Variants in TULP4 observed in about 807,000 individuals in gnomAD.
TULP4 encodes TUB like protein 4.
Under a neutral mutation model 129.0 loss-of-function variants are expected in TULP4, and 16 were observed. The ratio of observed to expected loss-of-function variants is 0.12; its 90% CI spans 0.08 to 0.19. The LOEUF is 0.19. Ranked by LOEUF, TULP4 falls within the 10% of genes least tolerant of loss-of-function variation. The pLI, the probability that TULP4 is intolerant of heterozygous loss-of-function variation, is 1.00. For missense variants in TULP4, 1,842 were observed against 2,059.1 expected, an observed-to-expected ratio of 0.89 and a Z score of 2.04; for synonymous variants, 998 against 854.0, an observed-to-expected ratio of 1.17 and a Z score of -2.94.
At chr6:158,416,366 T>C (rs1018809144) in intron 2 of TULP4, among the ~76,000 whole-genome samples, 1 of 152,044 alleles carries the variant, frequency 6.6e-6, no homozygotes, top group Non-Finnish European at 1.5e-5. Flanking sequence ...GGACAAGGTG[T>C]GGAGGCAGAA....
Position 158,508,895 on chromosome 6 carries a change from T to G in TULP4, c.*2201T>G, listed in dbSNP as rs889672833. 12 of 140,674 alleles carry G rather than the reference T, an allele frequency of 8.5e-5. No individual in the cohort carries two copies. Among genetic ancestry groups the G allele is most frequent in the Non-Finnish European group, 1.4e-4 (9 of 64,818 alleles). The allele number at this position is 140,674 out of a possible 1,614,324, so 8.7% of individuals were successfully genotyped here. A position where few individuals can be genotyped will look rare whatever the true frequency, so the allele number is the denominator to read the frequency against. The stretch of plus-strand genomic sequence containing the variant: ...GATAGAAGGTTTTTTTTTTTTTTTT[T>G]TTTTTTTTTTGAGACGGAGTCCCAC... On this transcript the variant is annotated 3_prime_UTR_variant, in exon 14 of 14. Transcript: ENST00000367097.
intron 1 of TULP4, among the ~76,000 whole-genome samples, chr6:158,267,784 A>G (rs1353577017): frequency 6.6e-6 from 1 of 152,122 alleles, no homozygotes; most frequent in Non-Finnish European, 1.5e-5. Flanking sequence ...GTGGGTTGGT[A>G]TAGACATGTT....
At chr6:158,395,438 G>A (rs1370194771) in intron 1 of TULP4, among the ~76,000 whole-genome samples, 1 of 151,940 alleles carries the variant, frequency 6.6e-6, no homozygotes, top group Non-Finnish European at 1.5e-5. Context: ...AAAATTAGCT[G>A]GGCATGGTGG....
chr6:158,501,092 G>A (rs1780434979), intron 12 of TULP4, among the ~76,000 whole-genome samples: 3 of 152,162 alleles, frequency 2.0e-5, no homozygotes, highest in Middle Eastern at 3.4e-3. Flanking sequence ...AAAAAATTAG[G>A]AAATGATCCT....
At chr6:158,317,967 T>G (rs866873623) in intron 1 of TULP4, among the ~76,000 whole-genome samples, 19 of 152,328 alleles carry the variant, frequency 1.2e-4, no homozygotes, top group Middle Eastern at 3.4e-3. Context: ...TTTTGAGAAG[T>G]GTCTGTTCAT....
At chr6:158,315,099 A>G (rs1779458326) in intron 1 of TULP4, among the ~76,000 whole-genome samples, 1 of 152,236 alleles carries the variant, frequency 6.6e-6, no homozygotes, top group South Asian at 2.1e-4. Context: ...AGGCATCTTA[A>G]AAATGTCATT....
chr6:158,331,904 G>T (rs1779903561), intron 1 of TULP4, among the ~76,000 whole-genome samples: 1 of 148,784 alleles, frequency 6.7e-6, no homozygotes, highest in African/African-American at 2.5e-5. Flanking sequence ...GGGCACGGTG[G>T]CTCACGCCTG....
intron 8 of TULP4, among the ~76,000 whole-genome samples, chr6:158,483,520 G>A (rs1779995364): frequency 6.6e-6 from 1 of 152,006 alleles, no homozygotes; most frequent in Admixed American, 6.6e-5. Context: ...GTAGAGACAG[G>A]GTTTTACCAT....
intron 1 of TULP4, among the ~76,000 whole-genome samples, chr6:158,392,894 G>A (rs546219810): frequency 1.6e-5 from 2 of 127,084 alleles, no homozygotes; most frequent in South Asian, 2.6e-4. Flanking sequence ...TCCACCTTCT[G>A]GGTTCAAGCG....
At chr6:158,288,854 C>G (rs978761394) in intron 1 of TULP4, among the ~76,000 whole-genome samples, 1 of 152,154 alleles carries the variant, frequency 6.6e-6, no homozygotes, top group Non-Finnish European at 1.5e-5. Flanking sequence ...ATCTTTTTCC[C>G]TGCTCTTTAC....
chr6:158,498,611 C>G, intron 11 of TULP4, 58 bp from the exon 12 acceptor site: 3 of 1,604,472 alleles, frequency 1.9e-6, no homozygotes, highest in Non-Finnish European at 2.6e-6. Flanking sequence ...ACTCTCTTGA[C>G]ACTTTGGCTC....
At chr6:158,356,290 G>A (rs536298361) in intron 1 of TULP4, among the ~76,000 whole-genome samples, 2 of 152,252 alleles carry the variant, frequency 1.3e-5, no homozygotes, top group East Asian at 1.9e-4. Context: ...CAAGCTTTAA[G>A]GGGAAGGGAG....
chr6:158,387,452 T>C (rs553107100), intron 1 of TULP4, among the ~76,000 whole-genome samples: 55 of 152,340 alleles, frequency 3.6e-4, no homozygotes, highest in Middle Eastern at 6.8e-3. Context: ...AGGAAATCAT[T>C]TTAAAATAAT....
intron 8 of TULP4, among the ~76,000 whole-genome samples, chr6:158,483,652 G>A (rs1779998831): frequency 6.6e-6 from 1 of 152,076 alleles, no homozygotes; most frequent in African/African-American, 2.4e-5. Flanking sequence ...ACTCATTGAG[G>A]CCGCCATATC....
At chr6:158,245,167 T>TC (rs1430120295) in intron 1 of TULP4, among the ~76,000 whole-genome samples, 1 of 151,544 alleles carries the variant, frequency 6.6e-6, no homozygotes, top group Non-Finnish European at 1.5e-5. Flanking sequence ...AAATTTTTTT[T>TC]TTTTTTTTTT....
chr6:158,337,155 C>CAA (rs1402840092), intron 1 of TULP4, among the ~76,000 whole-genome samples: 1 of 47,950 alleles, frequency 2.1e-5, no homozygotes, highest in East Asian at 8.2e-4. Context: ...TTTTTTGAGA[C>CAA]AGAGTCTTTC....
At chr6:158,290,958 A>G (rs986735825) in intron 1 of TULP4, among the ~76,000 whole-genome samples, 3 of 152,120 alleles carry the variant, frequency 2.0e-5, no homozygotes, top group Non-Finnish European at 2.9e-5. Flanking sequence ...CAATTTCCTC[A>G]CCTATAAAAT....
chr6:158,362,879 G>A (rs1780828901), intron 1 of TULP4, among the ~76,000 whole-genome samples: 1 of 151,904 alleles, frequency 6.6e-6, no homozygotes, highest in Non-Finnish European at 1.5e-5. Context: ...GGCCAAGTTG[G>A]TGAAACCCCA....
At chr6:158,442,030 A>T (rs1045091136) in intron 3 of TULP4, among the ~76,000 whole-genome samples, 3 of 152,094 alleles carry the variant, frequency 2.0e-5, no homozygotes, top group African/African-American at 7.2e-5. Context: ...TTCCCTGAAT[A>T]CTGCCTATGC....
Sources: gnomAD v4.1 joint callset for allele counts (sites outside exome capture counted in the v4.1 genomes callset) on GRCh38, gnomAD v4.1.1 for gene constraint, MANE v1.5 for transcripts, NCBI Gene and HGNC (gene_info 2026-07-23, HGNC 2026-07-21) for gene names.